Variants in STXBP2 observed in about 807,000 individuals in gnomAD.
STXBP2 encodes the protein syntaxin binding protein 2.
In STXBP2, 47 loss-of-function variants were observed where a neutral mutation model predicts 72.2. That is an observed-to-expected ratio of 0.65 (90% CI 0.51 to 0.83). The LOEUF is 0.83. STXBP2 is among the 40% of genes least tolerant of loss of function. The probability of loss-of-function intolerance (pLI) is 0.00; values close to 1 mark genes in which losing one functional copy is unlikely to be tolerated. For missense variants in STXBP2, 702 were observed against 807.6 expected (o/e 0.87, Z 1.58); for synonymous variants, 367 against 338.7 (o/e 1.08, Z -0.92).
At chr19:7,632,518 C>T (rs868609070), upstream of STXBP2, 3 of 1,612,862 alleles carry the variant, frequency 1.9e-6, no homozygotes, top group East Asian at 6.7e-5. This position sits in a 1 kb window ranked among gnomAD's most constrained non-coding sequence, Gnocchi z 5.2. Context: ...GGGTCGCTCT[C>T]TGCGTGGACG....
rs761087257 is a variant in STXBP2, at chr19:7,642,727, T to C, written c.903-39T>C. 1.9e-5 allele frequency: 30 copies of C among 1,608,476 alleles called. No homozygotes were observed. The highest frequency in any genetic ancestry group is 5.9e-6 in the Non-Finnish European group (7 of 1,176,610). On this transcript the variant is annotated intron_variant, in intron 10 of 18. Transcript: ENST00000221283. The surrounding 1 kb of genome is among the most constrained non-coding windows in gnomAD (Gnocchi z 6.0). The stretch of plus-strand genomic sequence containing the variant: ...GGGCTCACCCATGGCCTGTGGCTCC[T>C]CTCCCCTCACTCTCACCCCCGCCCA...
At chr19:7,640,061 T>G (rs1243568456) in intron 4 of STXBP2, 1 of 639,222 alleles carries the variant, frequency 1.6e-6, no homozygotes, top group Non-Finnish European at 2.9e-6. Flanking sequence ...TGTGTGTATG[T>G]GTGTATGCGT....
At chr19:7,636,624 A>G (rs1184135224), upstream of STXBP2, 1 of 149,784 alleles carries the variant, frequency 6.7e-6, no homozygotes, top group Non-Finnish European at 1.5e-5. Context: ...GCAGGACTGA[A>G]TGAAAATTAT....
intron 16 of STXBP2, 49 bp downstream of exon 16, chr19:7,646,393 C>T (rs200102316): frequency 7.5e-5 from 114 of 1,510,450 alleles, no homozygotes; most frequent in East Asian, 5.4e-4. Context: ...CATCGGCTGG[C>T]GGCTCAGCCT....
chr19:7,643,020 T>C lies in STXBP2; in HGVS notation c.998T>C (p.Met333Thr). The part of the protein sequence containing the change: ...IKDLSQILKK[M>T]PQYQKELNKY... The stretch of plus-strand genomic sequence containing the variant: ...GACCTATCCCAGATCCTGAAAAAGA[T>C]GCCGCAGTACCAGAAGGAGCTGAAT... Residue 333 changes from methionine (M) to threonine (T), a missense_variant, in exon 12 of 19, where the codon ATG (methionine) becomes ACG (threonine). Physicochemically the swap from Met to Thr is moderately conservative, Grantham distance 81 (BLOSUM62 -1). Coordinates refer to ENST00000221283, the MANE Select transcript of STXBP2 (RefSeq NM_006949.4). 1 of 1,614,176 alleles carries C rather than the reference T, an allele frequency of 6.2e-7. No homozygotes were observed. Among genetic ancestry groups the C allele is most frequent in the South Asian group, 1.1e-5 (1 of 91,092 alleles).
chr19:7,635,823 G>C (rs1350734956), upstream of STXBP2, among the ~76,000 whole-genome samples: 2 of 152,116 alleles, frequency 1.3e-5, no homozygotes, highest in Non-Finnish European at 2.9e-5. Context: ...GTTTGCCTGT[G>C]ACTGTCCTAT....
upstream of STXBP2, chr19:7,632,122 G>T: frequency 1.7e-6 from 1 of 575,942 alleles, no homozygotes; most frequent in Non-Finnish European, 3.0e-6. The surrounding 1 kb of genome is among the most constrained non-coding windows in gnomAD (Gnocchi z 5.2). Flanking sequence ...TCCTAGGAAG[G>T]GGTCCTATTT....
At position 7,646,349 on chromosome 19, in the gene STXBP2, T is replaced by C; in HGVS notation, c.1452+5T>C. 6.2e-7 allele frequency: 1 copy of C among 1,600,524 alleles called. No individual in the cohort carries two copies. Among genetic ancestry groups the C allele is most frequent in the Non-Finnish European group, 8.5e-7 (1 of 1,174,516 alleles). ...GTCATCAAGGATGTAATGGAGGTAC[T>C]GGGTGGCAGGTCAGGGTGGGGGCCA... On this transcript the variant is annotated splice_donor_5th_base_variant and intron_variant, in intron 16 of 18. Transcript: ENST00000221283.
At chr19:7,633,431 C>T (rs370069941), upstream of STXBP2, 35 of 1,577,254 alleles carry the variant, frequency 2.2e-5, no homozygotes, top group African/African-American at 4.4e-4. Flanking sequence ...CTGAGCCTTC[C>T]TCCGTCTTCT....
the STXBP2 span, chr19:7,630,673 G>A: frequency 2.6e-6 from 4 of 1,536,286 alleles, no homozygotes; most frequent in Non-Finnish European, 3.5e-6. Context: ...GGCATAAGAG[G>A]AGTGTTTGAG....
At chr19:7,638,966 G>C in intron 2 of STXBP2, 53 bp from the exon 3 acceptor site, 2 of 1,608,004 alleles carry the variant, frequency 1.2e-6, no homozygotes, top group Non-Finnish European at 1.7e-6. Flanking sequence ...TCTGGGGCCA[G>C]CTGTGGCCTC....
chr19:7,633,333 C>A, upstream of STXBP2: 1 of 1,299,434 alleles, frequency 7.7e-7, no homozygotes, highest in East Asian at 2.5e-5. Context: ...ATTAGGTGCC[C>A]TACAAACTAG....
At chr19:7,635,593 G>C (rs1160377545), upstream of STXBP2, among the ~76,000 whole-genome samples, 2 of 152,166 alleles carry the variant, frequency 1.3e-5, no homozygotes, top group African/African-American at 4.8e-5. Flanking sequence ...CTACTTGGGT[G>C]GCCGAAGTGG....
chr19:7,635,007 T>C (rs2031471722), upstream of STXBP2, among the ~76,000 whole-genome samples: 1 of 152,222 alleles, frequency 6.6e-6, no homozygotes, highest in Non-Finnish European at 1.5e-5. Flanking sequence ...CCTACTCTAC[T>C]CCAGTGTGAC....
chr19:7,647,846 G>T lies in STXBP2; in HGVS notation c.*36G>T, dbSNP rs1568472550. 1 of 1,562,510 alleles carries T rather than the reference G, an allele frequency of 6.4e-7. No individual in the cohort carries two copies. ...CGCCCCCTACCCCTCCCTTTCCAGA[G>T]AAATAAACTCTTCCCGTCGCTCTGC... On this transcript the variant is annotated 3_prime_UTR_variant, in exon 19 of 19. Coordinates refer to ENST00000221283, the MANE Select transcript of STXBP2 (RefSeq NM_006949.4).
At chr19:7,640,007 T>C (rs1006790085) in intron 4 of STXBP2, 200 bp downstream of exon 4, 7 of 684,500 alleles carry the variant, frequency 1.0e-5, no homozygotes, top group Admixed American at 6.3e-5. Context: ...TGTCTATGTA[T>C]GTGTCTGTGT....
At chr19:7,631,864 G>A in the STXBP2 span, 1 of 1,367,858 alleles carries the variant, frequency 7.3e-7, no homozygotes, top group South Asian at 2.3e-5. Flanking sequence ...GCCGGCCACA[G>A]GTGGCGAACA....
rs28464386 is a variant in STXBP2, at chr19:7,647,822, G to A, written c.*12G>A. Reference sequence around the variant, plus strand: ...TTGCCCTGCCCTGACCCCTGGCCCCGCCCCCTACCCCTCCCTTTCCAGAGA... The same window carrying A: ...TTGCCCTGCCCTGACCCCTGGCCCCACCCCCTACCCCTCCCTTTCCAGAGA... On this transcript the variant is annotated 3_prime_UTR_variant, in exon 19 of 19. Transcript: ENST00000221283. The A allele has an allele frequency of 5.1e-3, 6,899 of 1,344,010 alleles. 202 individuals carry two copies. In the African/African-American group the frequency reaches 0.082, roughly 16 times the overall value. 83.3% of individuals were successfully genotyped at this position (1,344,010 alleles called of 1,614,324 possible).
In STXBP2 at chr19:7,642,457, C is replaced by T. The variant is rs755353005; in HGVS notation, c.823C>T (p.Arg275Trp). Residue 275 changes from arginine to tryptophan, a missense_variant, in exon 10 of 19, where the codon CGG becomes TGG. Coordinates refer to ENST00000221283, the MANE Select transcript of STXBP2 (RefSeq NM_006949.4). This position sits in a 1 kb window ranked among gnomAD's most constrained non-coding sequence, Gnocchi z 6.0. ...TGAGACCACCGGGCTGAGCGAGGCG[C>T]GGGAGAAGGCCGTCTTGCTGGACGA... is the stretch of plus-strand genomic sequence containing the variant. ...RYETTGLSEAREKAVLLDEDD... is the reference protein window; with the variant it reads ...RYETTGLSEAWEKAVLLDEDD... The T allele has an allele frequency of 3.8e-5, 61 of 1,613,864 alleles. No individual in the cohort carries two copies. The highest frequency in any genetic ancestry group is 3.7e-4 in the South Asian group (34 of 91,086).
Sources: allele counts gnomAD v4.1 joint callset (sites outside exome capture counted in the v4.1 genomes callset), GRCh38; gene constraint gnomAD v4.1.1; non-coding constraint Gnocchi (gnomAD v3.1); transcripts MANE v1.5; gene names NCBI Gene and HGNC (gene_info 2026-07-23, HGNC 2026-07-21).